Variants in STK32C observed in about 807,000 individuals in gnomAD.
STK32C encodes the protein serine/threonine-protein kinase 32C.
In STK32C, 31 loss-of-function variants were observed where a neutral mutation model predicts 56.5. That is an observed-to-expected ratio of 0.55 (90% CI 0.41 to 0.74). The LOEUF is 0.74. STK32C is among the 30% of genes least tolerant of loss of function. The pLI is 0.00. For synonymous variants in STK32C, 309 were observed against 289.4 expected (o/e 1.07, Z -0.69); for missense variants, 544 against 676.9 (o/e 0.80, Z 2.18).
Position 132,230,388 on chromosome 10 carries a change from G to A in STK32C, c.319-2260C>T, listed in dbSNP as rs534568754. The stretch of plus-strand genomic sequence containing the variant: ...CGGCCGCAGGAGGCCGAGGAGTCCC[G>A]TGCCCGGGATGGAAGCCCCAGCCTC... On this transcript the variant is annotated intron_variant, in intron 2 of 11. Transcript: ENST00000298630. Among the ~76,000 whole-genome samples the A allele has an allele frequency of 4.6e-5, 7 of 152,294 alleles. No individual in the cohort carries two copies. In the South Asian group the frequency reaches 6.2e-4, roughly 14 times the overall value.
intron 1 of STK32C, among the ~76,000 whole-genome samples, chr10:132,282,596 G>T (rs2065249613): frequency 6.6e-6 from 1 of 152,178 alleles, no homozygotes. Context: ...TTCACCAGGG[G>T]AAGTGACATA....
intron 1 of STK32C, among the ~76,000 whole-genome samples, chr10:132,304,457 C>T (rs1225005458): frequency 2.0e-5 from 3 of 152,168 alleles, no homozygotes; most frequent in African/African-American, 7.2e-5. Flanking sequence ...ATTCAGCCAA[C>T]AAATGATGCC....
chr10:132,282,386 G>A (rs1485604436), intron 1 of STK32C, among the ~76,000 whole-genome samples: 1 of 152,202 alleles, frequency 6.6e-6, no homozygotes, highest in Non-Finnish European at 1.5e-5. Flanking sequence ...TCTGGTGGCT[G>A]ATGAAGAGGG....
At position 132,207,737 on chromosome 10, in the gene STK32C, C is replaced by T. The variant is rs772112784; in HGVS notation, c.*273G>A. ...TGTCCCATCCATGGCCCCAGCTCCCCGTGAGCGGTAAGAGGGCGCCCAGCA... is the reference window on the plus strand; with the variant it reads ...TGTCCCATCCATGGCCCCAGCTCCCTGTGAGCGGTAAGAGGGCGCCCAGCA... On this transcript the variant is annotated 3_prime_UTR_variant, in exon 12 of 12. Transcript: ENST00000298630. 4.1e-5 allele frequency: 14 copies of T among 338,176 alleles called. No homozygotes were observed. Among genetic ancestry groups the T allele is most frequent in the Non-Finnish European group, 6.3e-5 (12 of 189,856 alleles). 20.9% of individuals were successfully genotyped at this position (338,176 alleles called of 1,614,324 possible). A position where few individuals can be genotyped will look rare whatever the true frequency, so the allele number is the denominator to read the frequency against.
At chr10:132,240,262 C>T (rs775215085) in intron 2 of STK32C, among the ~76,000 whole-genome samples, 1 of 152,258 alleles carries the variant, frequency 6.6e-6, no homozygotes, top group African/African-American at 2.4e-5. Flanking sequence ...AGCGAGTCCC[C>T]CCGATGGATG....
At chr10:132,283,162 GC>G (rs1364327849) in intron 1 of STK32C, among the ~76,000 whole-genome samples, 1 of 152,270 alleles carries the variant, frequency 6.6e-6, no homozygotes, top group Non-Finnish European at 1.5e-5. Flanking sequence ...GCCGGCCGAG[GC>G]CCCAGGCCCC....
chr10:132,325,916 T>C (rs1424001935), intron 1 of STK32C, among the ~76,000 whole-genome samples: 2 of 151,854 alleles, frequency 1.3e-5, no homozygotes, highest in African/African-American at 4.8e-5. Context: ...AGAGACGGGG[T>C]TTCACCGTGT....
intron 1 of STK32C, among the ~76,000 whole-genome samples, chr10:132,289,150 C>G (rs777405467): frequency 6.6e-6 from 1 of 152,054 alleles, no homozygotes; most frequent in Non-Finnish European, 1.5e-5. Context: ...GACAAAAGCA[C>G]GAAGGTAATC....
chr10:132,281,907 G>A (rs1483804814), intron 1 of STK32C, among the ~76,000 whole-genome samples: 1 of 152,170 alleles, frequency 6.6e-6, no homozygotes, highest in African/African-American at 2.4e-5. Context: ...GGGTCTGGGG[G>A]GAAGAGAGCT....
chr10:132,280,867 C>T (rs568789572), intron 1 of STK32C, among the ~76,000 whole-genome samples: 10 of 139,744 alleles, frequency 7.2e-5, no homozygotes, highest in East Asian at 2.2e-4. Flanking sequence ...GCCTCCATGC[C>T]GTGACCACGC....
chr10:132,288,500 A>G (rs1242208842), intron 1 of STK32C, among the ~76,000 whole-genome samples: 1 of 152,238 alleles, frequency 6.6e-6, no homozygotes, highest in East Asian at 1.9e-4. Flanking sequence ...GTCAAGGGCG[A>G]GCTTTCTGAG....
chr10:132,303,986 G>C (rs902144783), intron 1 of STK32C, among the ~76,000 whole-genome samples: 31 of 152,294 alleles, frequency 2.0e-4, no homozygotes, highest in African/African-American at 7.5e-4. Flanking sequence ...CCCCACGACA[G>C]CATGGCCCAT....
At chr10:132,244,785 A>G (rs924772985) in intron 2 of STK32C, among the ~76,000 whole-genome samples, 1 of 152,356 alleles carries the variant, frequency 6.6e-6, no homozygotes, top group Admixed American at 6.5e-5. Context: ...CCTGGGAAAC[A>G]GAACTTAGGC....
intron 2 of STK32C, among the ~76,000 whole-genome samples, chr10:132,232,243 C>A (rs2063128948): frequency 6.6e-6 from 1 of 152,238 alleles, no homozygotes; most frequent in Non-Finnish European, 1.5e-5. Context: ...CCTCTGAGGC[C>A]TGGACTGTCA....
chr10:132,307,658 A>G lies in STK32C; in HGVS notation c.176T>C (p.Phe59Ser), dbSNP rs1472564821. Residue 59 changes from phenylalanine to serine, a missense_variant, in exon 1 of 12, where the codon TTT becomes TCT. Transcript: ENST00000298630. The surrounding 1 kb of genome is among the most constrained non-coding windows in gnomAD (Gnocchi z 4.4). ...GDVRSQPRPL[F>S]QWSKWKKRMG... ...CCTCTTCTTCCACTTGCTCCACTGA[A>G]ACAGGGGGCGCGGCTGCGAGCGGAC... 3 of 1,536,018 alleles carry G rather than the reference A, an allele frequency of 2.0e-6. No individual in the cohort carries two copies. Among genetic ancestry groups the G allele is most frequent in the Non-Finnish European group, 2.6e-6 (3 of 1,143,286 alleles).
chr10:132,209,128 G>A (rs372318242), intron 10 of STK32C, 27 bp from the exon 11 acceptor site: 46 of 1,605,994 alleles, frequency 2.9e-5, no homozygotes, highest in South Asian at 9.9e-5. Flanking sequence ...ACACGTGAGC[G>A]TGGGGGACGC....
intron 2 of STK32C, among the ~76,000 whole-genome samples, chr10:132,245,215 A>G (rs1367603946): frequency 6.6e-6 from 1 of 152,220 alleles, no homozygotes; most frequent in African/African-American, 2.4e-5. Context: ...GGAGGGAGGC[A>G]GCACCCATCT....
At chr10:132,318,900 A>G (rs1478925257) in intron 1 of STK32C, among the ~76,000 whole-genome samples, 1 of 150,830 alleles carries the variant, frequency 6.6e-6, no homozygotes, top group Non-Finnish European at 1.5e-5. Context: ...CAAGGGTTGG[A>G]TGTGGCAGAA....
downstream of STK32C, among the ~76,000 whole-genome samples, chr10:132,323,509 C>T (rs2066446952): frequency 6.6e-6 from 1 of 152,236 alleles, no homozygotes; most frequent in Admixed American, 6.5e-5. This position sits in a 1 kb window ranked among gnomAD's most constrained non-coding sequence, Gnocchi z 4.8. Flanking sequence ...AAGAGATGTG[C>T]TGATCTAATT....
Sources: gnomAD v4.1 joint callset for allele counts (sites outside exome capture counted in the v4.1 genomes callset) on GRCh38, gnomAD v4.1.1 for gene constraint, Gnocchi (gnomAD v3.1) non-coding constraint, MANE v1.5 for transcripts, NCBI Gene and HGNC (gene_info 2026-07-23, HGNC 2026-07-21) for gene names.